The following NEBL variants were observed in gnomAD, a reference collection of about 807,000 sequenced individuals.
NEBL encodes the protein nebulette, also known as LIM and SH3 protein 2.
In NEBL, 122 loss-of-function variants were observed where a neutral mutation model predicts 140.2. That is an observed-to-expected ratio of 0.87 (90% CI 0.75 to 1.01). The LOEUF (loss-of-function observed/expected upper bound fraction) is 1.01. Among genes scored for constraint, NEBL ranks in the 50% least tolerant of loss-of-function variants. NEBL has a pLI of 0.00. For synonymous variants in NEBL, 436 were observed against 398.9 expected, an observed-to-expected ratio of 1.09 and a Z score of -1.11; for missense variants, 1,365 against 1,231.3, an observed-to-expected ratio of 1.11 and a Z score of -1.62.
intron 1 of NEBL, among the ~76,000 whole-genome samples, chr10:21,287,275 C>T (rs1843069208): frequency 6.6e-6 from 1 of 152,154 alleles, no homozygotes; most frequent in Non-Finnish European, 1.5e-5. Context: ...GTAGTTCATG[C>T]CTGTGATCCC....
At chr10:21,262,918 G>T (rs542342910) in intron 1 of NEBL, among the ~76,000 whole-genome samples, 1 of 152,172 alleles carries the variant, frequency 6.6e-6, no homozygotes, top group South Asian at 2.1e-4. Flanking sequence ...TTATACAAAC[G>T]CAATAACTAA....
At chr10:21,117,156 C>T (rs1838323772) in intron 2 of NEBL, among the ~76,000 whole-genome samples, 4 of 151,824 alleles carry the variant, frequency 2.6e-5, no homozygotes, top group African/African-American at 7.3e-5. Context: ...AACTTTTGGT[C>T]AAGGGCAAAT....
chr10:20,785,700 A>G lies in NEBL; in HGVS notation c.*47T>C, dbSNP rs1362882588. On this transcript the variant is annotated 3_prime_UTR_variant, in exon 28 of 28. Coordinates refer to ENST00000377122, the MANE Select transcript of NEBL (RefSeq NM_006393.3). ...GTATCTTCTATCTTTTAAAAAGATT[A>G]GGTTTGGGATACATTAGAATAAAGC... 7 of 1,583,712 alleles carry G rather than the reference A, an allele frequency of 4.4e-6. No individual in the cohort carries two copies. The Admixed American group carries it at 1.2e-4, about 27-fold the overall frequency.
chr10:20,837,392 C>T (rs902135453), intron 13 of NEBL, among the ~76,000 whole-genome samples: 21 of 152,142 alleles, frequency 1.4e-4, no homozygotes, highest in African/African-American at 4.8e-4. Context: ...AAACCTAATC[C>T]AGAACAAGGC....
At chr10:20,896,568 C>T (rs772246339) in intron 2 of NEBL, among the ~76,000 whole-genome samples, 2 of 141,408 alleles carry the variant, frequency 1.4e-5, no homozygotes, top group Non-Finnish European at 3.0e-5. Context: ...GTTCAGAAGG[C>T]CCCAAAATGT....
chr10:20,878,967 C>T (rs192866503), intron 5 of NEBL, among the ~76,000 whole-genome samples: 3 of 152,254 alleles, frequency 2.0e-5, no homozygotes, highest in East Asian at 1.9e-4. Flanking sequence ...CCCGGGGATC[C>T]GTGTAACACC....
At chr10:21,265,394 T>C (rs143636196) in intron 1 of NEBL, among the ~76,000 whole-genome samples, 2 of 152,296 alleles carry the variant, frequency 1.3e-5, no homozygotes, top group African/African-American at 4.8e-5. Context: ...ACTCTCACGC[T>C]GCAAAACCCC....
intron 2 of NEBL, among the ~76,000 whole-genome samples, chr10:21,145,928 C>T (rs753205553): frequency 1.2e-4 from 18 of 152,174 alleles, no homozygotes; most frequent in Non-Finnish European, 2.6e-4. Context: ...AGCTCGGGCC[C>T]ATTGGGCATC....
At chr10:20,808,006 A>G (rs1010714011) in intron 26 of NEBL, among the ~76,000 whole-genome samples, 1 of 151,510 alleles carries the variant, frequency 6.6e-6, no homozygotes, top group East Asian at 1.9e-4. Context: ...ACCCTCTCAT[A>G]TCCCAAGTAT....
At chr10:21,023,907 G>A (rs925272300) in intron 2 of NEBL, among the ~76,000 whole-genome samples, 1 of 151,992 alleles carries the variant, frequency 6.6e-6, no homozygotes, top group Non-Finnish European at 1.5e-5. Context: ...CACTAAGTTT[G>A]AAGTATCATT....
Position 20,819,241 on chromosome 10 carries a change from C to T in NEBL, c.2055+183G>A, listed in dbSNP as rs548786100. 1.9e-4 allele frequency: 205 copies of T among 1,055,838 alleles called. No individual in the cohort carries two copies. In the African/African-American group the frequency reaches 2.1e-3, roughly 11 times the overall value. 65.4% of individuals were successfully genotyped at this position (1,055,838 alleles called of 1,614,324 possible). A position where few individuals can be genotyped will look rare whatever the true frequency, so the allele number is the denominator to read the frequency against. On this transcript the variant is annotated intron_variant, in intron 20 of 27. Coordinates refer to ENST00000377122, the MANE Select transcript of NEBL (RefSeq NM_006393.3). Reference sequence around the variant, plus strand: ...CCATCCTCTCCCGTCCAACAGGCTCCGGTGTCTGTTATTCCCCTCTATGTG... The same window carrying T: ...CCATCCTCTCCCGTCCAACAGGCTCTGGTGTCTGTTATTCCCCTCTATGTG...
chr10:21,242,210 GA>G (rs1238635083), intron 3 of NEBL, among the ~76,000 whole-genome samples: 3 of 136,378 alleles, frequency 2.2e-5, no homozygotes, highest in East Asian at 2.0e-4. Flanking sequence ...GTCTCAAAAG[GA>G]AAAAAAAGAA....
At chr10:21,154,799 T>C (rs1449842132) in intron 2 of NEBL, among the ~76,000 whole-genome samples, 1 of 152,240 alleles carries the variant, frequency 6.6e-6, no homozygotes, top group African/African-American at 2.4e-5. Context: ...TTGAAATATA[T>C]ACAGGGGTAC....
At chr10:20,957,959 G>A (rs1835882922) in intron 4 of NEBL, among the ~76,000 whole-genome samples, 1 of 152,142 alleles carries the variant, frequency 6.6e-6, no homozygotes, top group Non-Finnish European at 1.5e-5. Flanking sequence ...TGATATTAGT[G>A]GGTAAACAGC....
rs1477164179 is a variant in NEBL at position 21,173,529 on chromosome 10, T to C, written c.69+236A>G. Among the ~76,000 whole-genome samples the C allele has an allele frequency of 6.6e-6, 1 of 152,142 alleles. No homozygotes were observed. The highest frequency in any genetic ancestry group is 1.5e-5 in the Non-Finnish European group (1 of 68,030). On this transcript the variant is annotated intron_variant, in intron 1 of 6. Coordinates refer to the NEBL transcript ENST00000417816. This position sits in a 1 kb window ranked among gnomAD's most constrained non-coding sequence, Gnocchi z 5.7. ...GCGCCCTCCGCAGAGGCTCTGCCGA[T>C]GTCGCACCGCCCCGCACCGCGACAA... is the stretch of plus-strand genomic sequence containing the variant.
intron 2 of NEBL, among the ~76,000 whole-genome samples, chr10:21,137,222 G>A (rs976460973): frequency 6.6e-6 from 1 of 152,100 alleles, no homozygotes; most frequent in African/African-American, 2.4e-5. Flanking sequence ...TGTCTCAAAG[G>A]GTTGTTAAAA....
At chr10:21,088,923 C>A (rs1836778464) in intron 2 of NEBL, among the ~76,000 whole-genome samples, 3 of 152,134 alleles carry the variant, frequency 2.0e-5, no homozygotes, top group Admixed American at 1.3e-4. Flanking sequence ...TGAGGATGGG[C>A]AGTTAATGAA....
chr10:21,251,350 C>G (rs1842586453), intron 2 of NEBL, among the ~76,000 whole-genome samples: 1 of 152,174 alleles, frequency 6.6e-6, no homozygotes. Flanking sequence ...GCTATCTGAA[C>G]TAGCCAGTTA....
At chr10:20,826,691 C>G (rs549638146) in intron 17 of NEBL, 152 bp from the exon 18 acceptor site, 1 of 683,362 alleles carries the variant, frequency 1.5e-6, no homozygotes, top group Non-Finnish European at 2.5e-6. Flanking sequence ...ATTAAATAAT[C>G]CATTCAGATA....
Sources: allele counts gnomAD v4.1 joint callset (sites outside exome capture counted in the v4.1 genomes callset), GRCh38; gene constraint gnomAD v4.1.1; non-coding constraint Gnocchi (gnomAD v3.1); transcripts MANE v1.5; gene names NCBI Gene and HGNC (gene_info 2026-07-23, HGNC 2026-07-21).